Variants in FRMD4B observed in about 807,000 individuals in gnomAD.
FRMD4B encodes the protein FERM domain containing 4B.
FRMD4B carries 74 observed loss-of-function variants against 141.5 expected under a neutral mutation model. That is an observed-to-expected ratio of 0.52 (90% CI 0.43 to 0.63). The LOEUF is 0.63. FRMD4B is among the 30% of genes least tolerant of loss of function. The pLI is 0.00. For missense variants in FRMD4B, 1,366 were observed against 1,253.4 expected (o/e 1.09, Z -1.36); for synonymous variants, 506 against 467.9 (o/e 1.08, Z -1.05).
At chr3:69,361,458 TC>T (rs549688401) in intron 1 of FRMD4B, among the ~76,000 whole-genome samples, 9 of 152,078 alleles carry the variant, frequency 5.9e-5, no homozygotes, top group African/African-American at 1.9e-4. Flanking sequence ...GTTATCCACA[TC>T]CCCCCCAAGA....
At chr3:69,292,815 CTTTTTT>C (rs35818040) in intron 4 of FRMD4B, among the ~76,000 whole-genome samples, 3 of 120,930 alleles carry the variant, frequency 2.5e-5, no homozygotes, top group East Asian at 5.0e-4. Flanking sequence ...TTTTTTCAGC[CTTTTTT>C]TTTTTTTTTT....
At chr3:69,306,413 G>C (rs2107192563) in intron 3 of FRMD4B, 1 of 152,332 alleles carries the variant, frequency 6.6e-6, no homozygotes, top group African/African-American at 2.4e-5. Context: ...AAGTCTATCT[G>C]TTATTTCTTG....
At chr3:69,196,806 A>G in intron 13 of FRMD4B, 94 bp downstream of exon 13, 1 of 974,882 alleles carries the variant, frequency 1.0e-6, no homozygotes. Context: ...GAGAGCAAAA[A>G]TATATGTGCT....
intron 1 of FRMD4B, among the ~76,000 whole-genome samples, chr3:69,476,500 G>T (rs1248812786): frequency 6.6e-6 from 1 of 152,146 alleles, no homozygotes; most frequent in Non-Finnish European, 1.5e-5. Context: ...GTTTGTCAAA[G>T]ATCAGATAGT....
At chr3:69,237,027 G>T (rs1300942987) in intron 7 of FRMD4B, among the ~76,000 whole-genome samples, 1 of 152,184 alleles carries the variant, frequency 6.6e-6, no homozygotes, top group East Asian at 1.9e-4. Context: ...TAAGCGAGGT[G>T]AATTCATTTG....
intron 1 of FRMD4B, among the ~76,000 whole-genome samples, chr3:69,507,821 C>G (rs1706623227): frequency 6.6e-6 from 1 of 151,904 alleles, no homozygotes; most frequent in African/African-American, 2.4e-5. Flanking sequence ...AAAAAATTGT[C>G]AGAGTCTGTT....
At chr3:69,296,773 A>G (rs373956971) in intron 4 of FRMD4B, among the ~76,000 whole-genome samples, 1 of 152,222 alleles carries the variant, frequency 6.6e-6, no homozygotes, top group African/African-American at 2.4e-5. Context: ...ATGCATGGTT[A>G]TCTGGTCACA....
At chr3:69,509,748 T>C (rs1706659595) in intron 1 of FRMD4B, among the ~76,000 whole-genome samples, 1 of 152,058 alleles carries the variant, frequency 6.6e-6, no homozygotes, top group East Asian at 1.9e-4. Context: ...TGAAGGTTTA[T>C]GGCAACCCTA....
chr3:69,181,394 C>A lies in FRMD4B; in HGVS notation c.2356G>T (p.Asp786Tyr), dbSNP rs1463554817. ...GAGTAAACACCATTCCTCAAACTAT[C>A]CTTTTGTGCTAGGTTGGGCATGCTT... The part of the protein sequence containing the change: ...SGSMPNLAQK[D>Y]SLRNGVYSKS... Residue 786 changes from aspartate (D) to tyrosine (Y), a missense_variant, in exon 21 of 23, where the codon GAT (aspartate) becomes TAT (tyrosine). Asp to Tyr is a radical substitution (Grantham distance 160, BLOSUM62 -3). Coordinates refer to ENST00000398540, the MANE Select transcript of FRMD4B (RefSeq NM_015123.3). 1 of 1,613,926 alleles carries A rather than the reference C, an allele frequency of 6.2e-7. No homozygotes were observed. The highest frequency in any genetic ancestry group is 1.1e-5 in the South Asian group (1 of 91,068).
Position 69,516,206 on chromosome 3 carries a change from C to T in FRMD4B, c.-129+26000G>A, listed in dbSNP as rs1311396706. On this transcript the variant is annotated intron_variant, in intron 1 of 5. Coordinates refer to the FRMD4B transcript ENST00000459638. ...CATTACTGCACTCTACTGTGGGCAA[C>T]ACAGCAAGACCCTATCTCTAAAATA... 3.3e-5 allele frequency among the ~76,000 whole-genome samples: 5 copies of T among 152,076 alleles called. No homozygotes were observed. The South Asian group carries it at 8.3e-4, about 25-fold the overall frequency.
intron 1 of FRMD4B, among the ~76,000 whole-genome samples, chr3:69,490,479 G>A (rs1010554374): frequency 2.0e-5 from 3 of 152,184 alleles, no homozygotes; most frequent in East Asian, 1.9e-4. Context: ...TATTGCAGGC[G>A]TTTGCAATGG....
At chr3:69,468,790 A>G (rs1705835943) in intron 1 of FRMD4B, among the ~76,000 whole-genome samples, 1 of 152,218 alleles carries the variant, frequency 6.6e-6, no homozygotes, top group Admixed American at 6.6e-5. Flanking sequence ...GACTGAATCA[A>G]GCAAGTCGAG....
At chr3:69,250,120 C>T in intron 5 of FRMD4B, 21 bp from the exon 6 acceptor site, 1 of 1,536,124 alleles carries the variant, frequency 6.5e-7, no homozygotes, top group Non-Finnish European at 9.0e-7. Flanking sequence ...AAAAGGAAAG[C>T]ATCATTGAAC....
intron 1 of FRMD4B, among the ~76,000 whole-genome samples, chr3:69,358,079 T>C (rs1055511506): frequency 8.5e-5 from 13 of 152,244 alleles, no homozygotes; most frequent in Admixed American, 1.3e-4. Flanking sequence ...TAGTCAACTC[T>C]GCAATTGAGG....
intron 1 of FRMD4B, among the ~76,000 whole-genome samples, chr3:69,439,596 A>G (rs558968582): frequency 1.3e-5 from 2 of 152,302 alleles, no homozygotes; most frequent in African/African-American, 2.4e-5. Flanking sequence ...CTCCTTTGAG[A>G]AATGCTGCTG....
At chr3:69,214,469 A>G (rs1182854882) in intron 11 of FRMD4B, among the ~76,000 whole-genome samples, 1 of 152,146 alleles carries the variant, frequency 6.6e-6, no homozygotes, top group African/African-American at 2.4e-5. Context: ...TCACTGTCAT[A>G]CCAAAGGAAG....
At chr3:69,390,993 C>A (rs1056204497), upstream of FRMD4B, among the ~76,000 whole-genome samples, 5 of 152,078 alleles carry the variant, frequency 3.3e-5, no homozygotes, top group African/African-American at 4.8e-5. Context: ...TATTTTCTTT[C>A]CAAAAGGCAA....
At chr3:69,178,525 AGC>A (rs1200969168) in intron 21 of FRMD4B, among the ~76,000 whole-genome samples, 1 of 152,016 alleles carries the variant, frequency 6.6e-6, no homozygotes, top group Non-Finnish European at 1.5e-5. Flanking sequence ...AAATAAAATT[AGC>A]CAGGCATGGT....
intron 1 of FRMD4B, among the ~76,000 whole-genome samples, chr3:69,335,347 C>T (rs971354156): frequency 1.3e-5 from 2 of 149,586 alleles, no homozygotes; most frequent in African/African-American, 4.9e-5. Flanking sequence ...GACATTGTTG[C>T]ATAACTTTTT....
Sources: gnomAD v4.1 joint callset for allele counts (sites outside exome capture counted in the v4.1 genomes callset) on GRCh38, gnomAD v4.1.1 for gene constraint, MANE v1.5 for transcripts, NCBI Gene and HGNC (gene_info 2026-07-23, HGNC 2026-07-21) for gene names.